SAMD12: variants seen among roughly 807,000 people sequenced by gnomAD.
The protein encoded by SAMD12 is sterile alpha motif domain-containing protein 12.
SAMD12 carries 9 observed loss-of-function variants against 15.0 expected under a neutral mutation model. The observed-to-expected ratio is 0.60, with a 90% CI of 0.36 to 1.05. SAMD12 has a LOEUF of 1.05. Ranked by LOEUF, SAMD12 falls within the 50% of genes least tolerant of loss-of-function variation. The probability of loss-of-function intolerance (pLI) is 0.01; values close to 1 mark genes in which losing one functional copy is unlikely to be tolerated. For missense variants in SAMD12, 230 were observed against 234.2 expected (o/e 0.98, Z 0.12); for synonymous variants, 86 against 90.1 (o/e 0.96, Z 0.25).
At chr8:118,292,870 G>C (rs1283748939) in intron 4 of SAMD12, among the ~76,000 whole-genome samples, 1 of 136,826 alleles carries the variant, frequency 7.3e-6, no homozygotes, top group African/African-American at 2.7e-5. Context: ...ATGGACACAG[G>C]AAGGGGAATA....
At chr8:118,249,924 G>A (rs1472901138) in intron 4 of SAMD12, among the ~76,000 whole-genome samples, 1 of 152,128 alleles carries the variant, frequency 6.6e-6, no homozygotes, top group African/African-American at 2.4e-5. Context: ...ATCACTATTT[G>A]GGTGACCATC....
exon 5 of SAMD12, chr8:118,197,606 G>A (rs1335746677): frequency 6.4e-5 from 63 of 982,824 alleles, no homozygotes; most frequent in Non-Finnish European, 2.0e-5. Context: ...ATCTGTCCAC[G>A]ATCCAAGGAT....
Position 118,482,419 on chromosome 8 carries a change from T to C in SAMD12, c.193-42458A>G, listed in dbSNP as rs576189480. Among the ~76,000 whole-genome samples, 7 of 152,270 alleles carry C rather than the reference T, an allele frequency of 4.6e-5. No individual in the cohort carries two copies. The South Asian group carries it at 1.5e-3, about 32-fold the overall frequency. On this transcript the variant is annotated intron_variant, in intron 2 of 3. Transcript: ENST00000314727. Reference sequence around the variant, plus strand: ...GGGTACAGTTGACCCTCCAGATCAGTAGTTTCTACACCTGTGGGTTCAACC... The same window carrying C: ...GGGTACAGTTGACCCTCCAGATCAGCAGTTTCTACACCTGTGGGTTCAACC...
chr8:118,568,009 TCA>T lies in SAMD12; in HGVS notation c.192+12704_192+12705del, dbSNP rs566481618. 1.7e-3 allele frequency among the ~76,000 whole-genome samples: 263 copies of T among 152,310 alleles called. 2 individuals are homozygous for T. The highest frequency in any genetic ancestry group is 6.2e-3 in the African/African-American group (256 of 41,544). On this transcript the variant is annotated intron_variant, in intron 2 of 3. Coordinates refer to ENST00000314727, the MANE Select transcript of SAMD12 (RefSeq NM_207506.3). Reference sequence around the variant, plus strand: ...ATGTCACTAAACATGGGGTCCTGCCTCACAGAGTTCACACTCTAGTGGATGAT... The same window carrying T: ...ATGTCACTAAACATGGGGTCCTGCCTCAGAGTTCACACTCTAGTGGATGAT...
intron 4 of SAMD12, among the ~76,000 whole-genome samples, chr8:118,230,005 A>T (rs891638159): frequency 6.6e-6 from 1 of 151,958 alleles, no homozygotes; most frequent in African/African-American, 2.4e-5. Flanking sequence ...GAAAAGGATT[A>T]AAAAAAAGAA....
At chr8:118,596,021 A>G (rs1025930701) in intron 1 of SAMD12, among the ~76,000 whole-genome samples, 10 of 151,662 alleles carry the variant, frequency 6.6e-5, no homozygotes, top group African/African-American at 2.4e-4. Flanking sequence ...GGAGTTAAAC[A>G]TGCTTAAGTG....
At chr8:118,477,105 G>C (rs1434889424) in intron 2 of SAMD12, among the ~76,000 whole-genome samples, 2 of 148,062 alleles carry the variant, frequency 1.4e-5, no homozygotes, top group Admixed American at 1.4e-4. Flanking sequence ...TTGCTCTGTT[G>C]CTCAGCCTGG....
intron 2 of SAMD12, among the ~76,000 whole-genome samples, chr8:118,504,138 A>G (rs1011118310): frequency 1.3e-5 from 2 of 151,958 alleles, no homozygotes; most frequent in Non-Finnish European, 2.9e-5. Flanking sequence ...ATTCACTATC[A>G]CCTATATCCT....
At chr8:118,531,272 T>C (rs1236016806) in intron 2 of SAMD12, among the ~76,000 whole-genome samples, 1 of 152,252 alleles carries the variant, frequency 6.6e-6, no homozygotes, top group East Asian at 1.9e-4. Context: ...GCTTCTATTC[T>C]GTTCCATTGG....
intron 4 of SAMD12, among the ~76,000 whole-genome samples, chr8:118,256,319 C>T (rs558803443): frequency 1.3e-5 from 2 of 152,222 alleles, no homozygotes; most frequent in East Asian, 3.9e-4. Flanking sequence ...AGTGTAAATA[C>T]ATGTGGTTAG....
chr8:118,307,247 A>G (rs1160252168), intron 4 of SAMD12, among the ~76,000 whole-genome samples: 1 of 152,230 alleles, frequency 6.6e-6, no homozygotes, highest in Non-Finnish European at 1.5e-5. Flanking sequence ...GGTGTCAATT[A>G]GAAATGTGGA....
At chr8:118,269,220 CTGTGTGTGTGTGTG>C (rs71515963) in intron 4 of SAMD12, among the ~76,000 whole-genome samples, 33 of 123,040 alleles carry the variant, frequency 2.7e-4, no homozygotes, top group Admixed American at 4.2e-4. Flanking sequence ...CTCTCTCTCT[CTGTGTGTGTGTGTG>C]TGTGTGTGTG....
chr8:118,386,049 A>G (rs1819938131), intron 3 of SAMD12, among the ~76,000 whole-genome samples: 1 of 152,208 alleles, frequency 6.6e-6, no homozygotes, highest in Admixed American at 6.5e-5. Context: ...TGCTGAGCAG[A>G]TGAGCAGCAA....
intron 4 of SAMD12, among the ~76,000 whole-genome samples, chr8:118,265,335 A>G (rs1442292410): frequency 1.3e-5 from 2 of 152,162 alleles, no homozygotes; most frequent in East Asian, 1.9e-4. Flanking sequence ...ATAATAAAGC[A>G]TTATTTATTT....
At chr8:118,466,239 A>T (rs1445456756) in intron 2 of SAMD12, among the ~76,000 whole-genome samples, 1 of 152,222 alleles carries the variant, frequency 6.6e-6, no homozygotes, top group African/African-American at 2.4e-5. Context: ...GAACCAGGCC[A>T]GTCAGCTGGA....
intron 3 of SAMD12, among the ~76,000 whole-genome samples, chr8:118,391,743 G>C (rs1163708536): frequency 6.6e-6 from 1 of 152,154 alleles, no homozygotes; most frequent in East Asian, 1.9e-4. Flanking sequence ...TTCTTAGGTA[G>C]AAAAATTAAC....
intron 2 of SAMD12, among the ~76,000 whole-genome samples, chr8:118,474,984 A>T (rs1352385811): frequency 6.6e-6 from 1 of 152,150 alleles, no homozygotes; most frequent in Non-Finnish European, 1.5e-5. Context: ...CACACCTGTA[A>T]TCCCAGCAAT....
chr8:118,433,087 T>C (rs896041878), intron 3 of SAMD12, among the ~76,000 whole-genome samples: 6 of 152,202 alleles, frequency 3.9e-5, no homozygotes, highest in Admixed American at 3.9e-4. Flanking sequence ...CCTCCATTCT[T>C]CCTATTCCCT....
chr8:118,522,579 G>A (rs1029422487), intron 2 of SAMD12, among the ~76,000 whole-genome samples: 1 of 152,272 alleles, frequency 6.6e-6, no homozygotes, highest in African/African-American at 2.4e-5. Context: ...CAAAGTTACT[G>A]TGAAGTTTTA....
Sources: gnomAD v4.1 joint callset for allele counts (sites outside exome capture counted in the v4.1 genomes callset) on GRCh38, gnomAD v4.1.1 for gene constraint, MANE v1.5 for transcripts, NCBI Gene and HGNC (gene_info 2026-07-23, HGNC 2026-07-21) for gene names.